The following KSR2 variants were observed in gnomAD, a reference collection of about 807,000 sequenced individuals.
KSR2 encodes kinase suppressor of ras 2.
A neutral mutation model predicts 107.8 loss-of-function variants in KSR2; 25 were observed. The observed-to-expected ratio is 0.23, with a 90% CI of 0.17 to 0.32. The LOEUF is 0.32. Ranked by LOEUF, KSR2 falls within the 10% of genes least tolerant of loss-of-function variation. The pLI is 1.00. For missense variants in KSR2, 887 were observed against 1,268.9 expected, an observed-to-expected ratio of 0.70 and a Z score of 4.57; for synonymous variants, 480 against 507.0, an observed-to-expected ratio of 0.95 and a Z score of 0.71.
In KSR2 at chr12:117,954,787, G is replaced by A. The variant is rs141383186; in HGVS notation, c.180+13289C>T. 3.0e-3 allele frequency among the ~76,000 whole-genome samples: 463 copies of A among 152,170 alleles called. 3 individuals are homozygous for A. The highest frequency in any genetic ancestry group is 0.01 in the African/African-American group (430 of 41,518). On this transcript the variant is annotated intron_variant, in intron 1 of 19. Coordinates refer to ENST00000339824, the MANE Select transcript of KSR2 (RefSeq NM_173598.6). ...TCCCAGCACTTTGGGAGGCCAAGGCGGGTGGATCACTTGAGGTCAGGAGTT... is the reference window on the plus strand; with the variant it reads ...TCCCAGCACTTTGGGAGGCCAAGGCAGGTGGATCACTTGAGGTCAGGAGTT...
intron 5 of KSR2, among the ~76,000 whole-genome samples, chr12:117,607,702 C>A (rs1192875137): frequency 1.0e-5 from 1 of 100,392 alleles, no homozygotes; most frequent in Non-Finnish European, 2.0e-5. Flanking sequence ...GAGAGGGAAG[C>A]ACAGAGGAGC....
In KSR2 at chr12:117,853,391, G is replaced by A. The variant is rs61297111; in HGVS notation, c.472+2037C>T. On this transcript the variant is annotated intron_variant, in intron 3 of 19. Transcript: ENST00000339824. ...AGGACCTCACTCTGTGGGCCAGGCT[G>A]GAGTTCAGTGGTACTATCTCAGCTT... Among the ~76,000 whole-genome samples the A allele has an allele frequency of 3.8e-3, 574 of 152,250 alleles. 2 individuals carry two copies. Among genetic ancestry groups the A allele is most frequent in the African/African-American group, 0.013 (555 of 41,524 alleles).
intron 1 of KSR2, among the ~76,000 whole-genome samples, chr12:117,882,599 A>G (rs1178617021): frequency 1.3e-5 from 2 of 150,968 alleles, no homozygotes; most frequent in African/African-American, 4.9e-5. Flanking sequence ...CCATCCAACA[A>G]TCCATCCATC....
At chr12:117,911,811 C>CATATAT (rs1263622348) in intron 1 of KSR2, among the ~76,000 whole-genome samples, 1 of 152,000 alleles carries the variant, frequency 6.6e-6, no homozygotes, top group Non-Finnish European at 1.5e-5. Context: ...TCGCTACAGG[C>CATATAT]ATAAGTAACA....
intron 3 of KSR2, among the ~76,000 whole-genome samples, chr12:117,816,910 C>A (rs1373030891): frequency 6.6e-6 from 1 of 152,158 alleles, no homozygotes; most frequent in Non-Finnish European, 1.5e-5. Context: ...AATTCCAACC[C>A]AGTGCTGTTT....
At chr12:117,490,148 T>C (rs1002869468) in intron 14 of KSR2, among the ~76,000 whole-genome samples, 10 of 152,198 alleles carry the variant, frequency 6.6e-5, no homozygotes, top group African/African-American at 2.4e-4. Flanking sequence ...TGGGAACCCA[T>C]TCCCGATCTT....
Position 117,932,727 on chromosome 12 carries a change from A to C in KSR2, c.180+35349T>G, listed in dbSNP as rs534018016. 5.3e-5 allele frequency among the ~76,000 whole-genome samples: 8 copies of C among 152,212 alleles called. No homozygotes were observed. In the South Asian group the frequency reaches 1.7e-3, roughly 32 times the overall value. On this transcript the variant is annotated intron_variant, in intron 1 of 19. Transcript: ENST00000339824. ...ACAGAGTGAGATCCTGTCTCAAATAAATAGGCCGGGTGCAGTGGCTCACGC... is the reference window on the plus strand; with the variant it reads ...ACAGAGTGAGATCCTGTCTCAAATACATAGGCCGGGTGCAGTGGCTCACGC...
intron 3 of KSR2, among the ~76,000 whole-genome samples, chr12:117,844,863 C>A (rs1279717928): frequency 6.6e-6 from 1 of 152,136 alleles, no homozygotes; most frequent in Non-Finnish European, 1.5e-5. Flanking sequence ...TCTCAAAAAC[C>A]TGGCCAGGCA....
At chr12:117,930,282 C>T (rs989672806) in intron 1 of KSR2, among the ~76,000 whole-genome samples, 6 of 152,142 alleles carry the variant, frequency 3.9e-5, no homozygotes, top group Non-Finnish European at 1.5e-5. Context: ...AATCTGCCTG[C>T]CTCAGCCACC....
At chr12:117,715,488 T>C (rs1216690053) in intron 4 of KSR2, among the ~76,000 whole-genome samples, 2 of 152,218 alleles carry the variant, frequency 1.3e-5, no homozygotes, top group Non-Finnish European at 2.9e-5. Context: ...TTCACCTTTG[T>C]TGCGTGTTGT....
At chr12:117,698,540 G>A (rs1372510771) in intron 4 of KSR2, among the ~76,000 whole-genome samples, 2 of 151,870 alleles carry the variant, frequency 1.3e-5, no homozygotes, top group African/African-American at 4.8e-5. Flanking sequence ...TGCCCAGGCT[G>A]GTCTCAAACA....
At chr12:117,681,786 G>A (rs997865817) in intron 4 of KSR2, among the ~76,000 whole-genome samples, 1 of 152,132 alleles carries the variant, frequency 6.6e-6, no homozygotes, top group East Asian at 1.9e-4. Context: ...TTGCTAAATG[G>A]GGGAGAAATA....
At position 117,484,564 on chromosome 12, in the gene KSR2, G is replaced by A; in HGVS notation, c.2317-15C>T. On this transcript the variant is annotated splice_polypyrimidine_tract_variant and intron_variant, in intron 15 of 19. Transcript: ENST00000339824. The stretch of plus-strand genomic sequence containing the variant: ...TAGCCCATGCCCTGCAAGAAGCAAG[G>A]AACAGAGAGTTGCCAGAGAAAAACC... The A allele has an allele frequency of 6.2e-7, 1 of 1,612,936 alleles. No individual in the cohort carries two copies. The highest frequency in any genetic ancestry group is 8.5e-7 in the Non-Finnish European group (1 of 1,179,258).
At chr12:117,912,354 A>G (rs1895041412) in intron 1 of KSR2, among the ~76,000 whole-genome samples, 1 of 152,214 alleles carries the variant, frequency 6.6e-6, no homozygotes, top group African/African-American at 2.4e-5. Flanking sequence ...GTATGATTCA[A>G]ATGATGGTAT....
At chr12:117,702,907 T>C (rs1289606447) in intron 4 of KSR2, among the ~76,000 whole-genome samples, 1 of 152,186 alleles carries the variant, frequency 6.6e-6, no homozygotes, top group Non-Finnish European at 1.5e-5. Flanking sequence ...CATTTTTCTC[T>C]TTTCACAGCT....
intron 3 of KSR2, among the ~76,000 whole-genome samples, chr12:117,854,712 G>A (rs1300158171): frequency 1.3e-5 from 2 of 152,180 alleles, no homozygotes; most frequent in Non-Finnish European, 2.9e-5. Context: ...GAAAAATCAT[G>A]AGGCTAAAGA....
At chr12:117,672,152 T>TG (rs138427751) in intron 4 of KSR2, among the ~76,000 whole-genome samples, 1 of 151,776 alleles carries the variant, frequency 6.6e-6, no homozygotes, top group African/African-American at 2.4e-5. Flanking sequence ...AGCAAGGCGG[T>TG]GGGGGGAGGG....
At chr12:117,805,830 A>G (rs1759300296) in intron 3 of KSR2, among the ~76,000 whole-genome samples, 2 of 152,088 alleles carry the variant, frequency 1.3e-5, no homozygotes, top group East Asian at 1.9e-4. Context: ...AAAAATACAT[A>G]AATTAGCCAG....
chr12:117,724,816 A>G (rs1247991023), intron 4 of KSR2, among the ~76,000 whole-genome samples: 1 of 151,832 alleles, frequency 6.6e-6, no homozygotes, highest in African/African-American at 2.4e-5. Flanking sequence ...ATTAGAAAAG[A>G]AGAAGTATGA....
Sources: allele counts gnomAD v4.1 joint callset (sites outside exome capture counted in the v4.1 genomes callset), GRCh38; gene constraint gnomAD v4.1.1; transcripts MANE v1.5; gene names NCBI Gene and HGNC (gene_info 2026-07-23, HGNC 2026-07-21).